Variants in LOC122539214 observed in about 807,000 individuals in gnomAD.
At chr19:52,664,569 G>A in the LOC122539214 span, among the ~76,000 whole-genome samples, 3 of 152,106 alleles carry the variant, frequency 2.0e-5, no homozygotes, top group East Asian at 1.9e-4. Context: ...CAATTAACAC[G>A]AACTTTTAAG....
the LOC122539214 span, among the ~76,000 whole-genome samples, chr19:52,664,316 A>T: frequency 6.6e-6 from 1 of 151,722 alleles, no homozygotes; most frequent in Non-Finnish European, 1.5e-5. Flanking sequence ...GGCAACATGG[A>T]GAAAGCCCGT....
chr19:52,659,045 C>T, the LOC122539214 span, among the ~76,000 whole-genome samples: 6 of 152,212 alleles, frequency 3.9e-5, no homozygotes, highest in Admixed American at 2.0e-4. Context: ...ATCTATGTGT[C>T]GGTGTACGTT....
the LOC122539214 span, chr19:52,690,432 G>C: frequency 1.7e-5 from 3 of 180,178 alleles, no homozygotes; most frequent in African/African-American, 7.2e-5. Flanking sequence ...ATACAAAACA[G>C]CGAAACTCAC....
the LOC122539214 span, among the ~76,000 whole-genome samples, chr19:52,671,017 A>G: frequency 6.6e-6 from 1 of 152,204 alleles, no homozygotes; most frequent in Non-Finnish European, 1.5e-5. Context: ...ATTTTTAGTT[A>G]TTCTCTTCAG....
the LOC122539214 span, among the ~76,000 whole-genome samples, chr19:52,684,108 C>T: frequency 5.9e-5 from 9 of 152,070 alleles, no homozygotes; most frequent in African/African-American, 2.2e-4. Flanking sequence ...AGGGCTCATG[C>T]CTGTAATCCT....
At chr19:52,654,492 G>T in the LOC122539214 span, 1 of 523,746 alleles carries the variant, frequency 1.9e-6, no homozygotes, top group Non-Finnish European at 3.2e-6. Flanking sequence ...TACACAAAAA[G>T]CAATACTTAT....
the LOC122539214 span, among the ~76,000 whole-genome samples, chr19:52,673,851 C>A: frequency 2.6e-5 from 4 of 151,572 alleles, no homozygotes; most frequent in South Asian, 8.4e-4. Flanking sequence ...CCTATCTCTA[C>A]TAAAAATACA....
the LOC122539214 span, among the ~76,000 whole-genome samples, chr19:52,685,234 C>G: frequency 6.6e-6 from 1 of 152,114 alleles, no homozygotes; most frequent in African/African-American, 2.4e-5. Flanking sequence ...CCCCTCATCT[C>G]CAAGTTGCAG....
the LOC122539214 span, among the ~76,000 whole-genome samples, chr19:52,675,275 G>A: frequency 2.0e-5 from 3 of 152,284 alleles, no homozygotes; most frequent in East Asian, 1.9e-4. Flanking sequence ...TTGCATGTAC[G>A]GTAAGTGAGG....
the LOC122539214 span, among the ~76,000 whole-genome samples, chr19:52,657,660 C>A: frequency 6.6e-6 from 1 of 152,148 alleles, no homozygotes; most frequent in East Asian, 1.9e-4. Context: ...CCAGCCTGAC[C>A]AACATAGAGA....
chr19:52,651,924 A>C, the LOC122539214 span: 1 of 174,196 alleles, frequency 5.7e-6, no homozygotes, highest in Admixed American at 6.5e-5. Context: ...CTCAATGTTA[A>C]GTCAACTCAA....
the LOC122539214 span, among the ~76,000 whole-genome samples, chr19:52,683,955 C>A: frequency 6.6e-6 from 1 of 152,052 alleles, no homozygotes; most frequent in Non-Finnish European, 1.5e-5. Flanking sequence ...TGTTTCTGGG[C>A]GGGCACAGTG....
At chr19:52,658,710 T>C in the LOC122539214 span, among the ~76,000 whole-genome samples, 3 of 152,318 alleles carry the variant, frequency 2.0e-5, no homozygotes, top group Middle Eastern at 3.4e-3. Flanking sequence ...CATTAGGTCA[T>C]AGGGTAAATA....
At chr19:52,680,894 G>A in the LOC122539214 span, among the ~76,000 whole-genome samples, 1 of 151,498 alleles carries the variant, frequency 6.6e-6, no homozygotes, top group African/African-American at 2.4e-5. Context: ...TTACAGGCGT[G>A]AGCCACCGCG....
chr19:52,674,108 T>A, the LOC122539214 span: 1 of 151,606 alleles, frequency 6.6e-6, no homozygotes, highest in Non-Finnish European at 1.5e-5. Context: ...CCCTCTGATA[T>A]GGCTCTAGAC....
At chr19:52,682,702 AAAAAGAAAAAG>A in the LOC122539214 span, among the ~76,000 whole-genome samples, 6 of 54,218 alleles carry the variant, frequency 1.1e-4, no homozygotes, top group African/African-American at 3.9e-4. Flanking sequence ...AAAGAAAAAG[AAAAAGAAAAAG>A]AAAAGATGTA....
the LOC122539214 span, among the ~76,000 whole-genome samples, chr19:52,662,207 A>G: frequency 2.0e-5 from 3 of 152,214 alleles, no homozygotes; most frequent in African/African-American, 7.2e-5. Context: ...AATGGAATTC[A>G]TTTCTCATTT....
At chr19:52,666,203 G>A in the LOC122539214 span, among the ~76,000 whole-genome samples, 177 of 151,302 alleles carry the variant, frequency 1.2e-3, 1 homozygote, top group Non-Finnish European at 1.7e-3. Flanking sequence ...GTCAAAGAGA[G>A]AGAGAGAAAG....
At chr19:52,684,227 G>C in the LOC122539214 span, among the ~76,000 whole-genome samples, 41 of 152,026 alleles carry the variant, frequency 2.7e-4, no homozygotes, top group African/African-American at 9.9e-4. Context: ...AAAGTAGCCT[G>C]GCTTGGTGGG....
Sources: gnomAD v4.1 joint callset for allele counts (sites outside exome capture counted in the v4.1 genomes callset) on GRCh38, gnomAD v4.1.1 for gene constraint, MANE v1.5 for transcripts.